The following TNS1 variants were observed in gnomAD, a reference collection of about 807,000 sequenced individuals.
The protein encoded by TNS1 is tensin 1.
TNS1 carries 62 observed loss-of-function variants against 168.6 expected under a neutral mutation model. That is an observed-to-expected ratio of 0.37 (90% confidence interval 0.30 to 0.45). The LOEUF (loss-of-function observed/expected upper bound fraction) is 0.45, where lower values mean the gene tolerates loss of function less well. Among genes scored for constraint, TNS1 ranks in the 20% least tolerant of loss-of-function variants. TNS1 has a pLI of 1.00. For missense variants in TNS1, 2,240 were observed against 2,339.4 expected, an observed-to-expected ratio of 0.96 and a Z score of 0.88; for synonymous variants, 934 against 933.2, an observed-to-expected ratio of 1.00 and a Z score of -0.02.
At chr2:217,819,005 G>A (rs1171833331) in intron 23 of TNS1, among the ~76,000 whole-genome samples, 2 of 152,202 alleles carry the variant, frequency 1.3e-5, no homozygotes, top group Non-Finnish European at 2.9e-5. Flanking sequence ...TTTCAACTTA[G>A]CTGTGTCTGA....
chr2:217,937,057 G>A (rs1956646500), intron 3 of TNS1: 2 of 456,086 alleles, frequency 4.4e-6, no homozygotes, highest in South Asian at 1.6e-5. Flanking sequence ...AAAACTCCTT[G>A]CCAAACTTCA....
Position 217,890,948 on chromosome 2 carries a change from C to T in TNS1, c.866+14G>A. 6.2e-7 allele frequency: 1 copy of T among 1,613,466 alleles called. No homozygotes were observed. ...ACACATACATGCAAGGGGCTGTGAG[C>T]CCCAGAGACCCACCTTCTTTGGGAT... On this transcript the variant is annotated intron_variant, in intron 12 of 32. Transcript: ENST00000682258.
Position 217,804,430 on chromosome 2 carries a change from T to G in TNS1, c.*29A>C, listed in dbSNP as rs755930944. 1 of 1,613,242 alleles carries G rather than the reference T, an allele frequency of 6.2e-7. No individual in the cohort carries two copies. The highest frequency in any genetic ancestry group is 1.1e-5 in the South Asian group (1 of 90,996). ...CCCCTCCCCACAAGCCCCTTCCCCA[T>G]GGCACTGGCCCTGGGCAAGGGGCAG... On this transcript the variant is annotated 3_prime_UTR_variant, in exon 33 of 33. Coordinates refer to ENST00000682258, the MANE Select transcript of TNS1 (RefSeq NM_001387777.1).
chr2:217,831,532 C>G lies in TNS1; in HGVS notation c.3296G>C (p.Gly1099Ala). 1 of 1,540,446 alleles carries G rather than the reference C, an allele frequency of 6.5e-7. No individual in the cohort carries two copies. The highest frequency in any genetic ancestry group is 8.7e-7 in the Non-Finnish European group (1 of 1,147,942). Reference sequence around the variant, plus strand: ...AGCAGACAGGGGTGTCTTGGCCAGACCCGGGGGGGACCGCACTGTGCCAGG... The same window carrying G: ...AGCAGACAGGGGTGTCTTGGCCAGAGCCGGGGGGGACCGCACTGTGCCAGG... ...PPPSGVRSPP[G>A]LAKTPLSALG... Residue 1099 changes from glycine (G) to alanine (A), a missense_variant, in exon 22 of 33, where the codon GGT becomes GCT. By Grantham distance (60) the Gly-to-Ala change is moderately conservative. Around this residue, in one of 2 missense-constraint regions of TNS1, gnomAD observed 2,131 missense variants for 2,171.2 expected, o/e 0.98. Coordinates refer to ENST00000682258, the MANE Select transcript of TNS1 (RefSeq NM_001387777.1).
At chr2:217,990,828 T>G in intron 2 of TNS1, 114 bp downstream of exon 2, 4 of 317,984 alleles carry the variant, frequency 1.3e-5, no homozygotes, top group East Asian at 5.3e-5. Context: ...GAACAAGGCG[T>G]CAGGTTGGGA....
chr2:217,946,969 T>TCTCTCACACACA (rs1553618866), intron 3 of TNS1, among the ~76,000 whole-genome samples: 3 of 118,866 alleles, frequency 2.5e-5, no homozygotes, highest in African/African-American at 1.2e-4. Flanking sequence ...TCTCTCTCTC[T>TCTCTCACACACA]CACACACACA....
chr2:218,002,469 A>AG (rs552097048), intron 1 of TNS1, among the ~76,000 whole-genome samples: 1,607 of 151,080 alleles, frequency 0.011, 33 homozygotes, highest in African/African-American at 0.036. Context: ...TCAGCAACTG[A>AG]GGGGGGGCGG....
At chr2:217,941,464 C>T (rs1052459860) in intron 3 of TNS1, among the ~76,000 whole-genome samples, 3 of 152,310 alleles carry the variant, frequency 2.0e-5, no homozygotes, top group East Asian at 1.9e-4. Flanking sequence ...AGTTGAGCCA[C>T]GGGTGTGAGG....
At chr2:217,979,482 G>C (rs1957985436) in intron 2 of TNS1, among the ~76,000 whole-genome samples, 1 of 151,718 alleles carries the variant, frequency 6.6e-6, no homozygotes, top group Non-Finnish European at 1.5e-5. Flanking sequence ...ACAGACACGT[G>C]AACAGATGCT....
intron 21 of TNS1, among the ~76,000 whole-genome samples, chr2:217,831,844 C>G (rs1331589286): frequency 6.6e-6 from 1 of 152,100 alleles, no homozygotes; most frequent in Admixed American, 6.5e-5. Context: ...CGCTGCAGTC[C>G]CTTTACTTTG....
rs758726343 is a variant in TNS1, at chr2:217,836,056, C to T, written c.3163G>A (p.Ala1055Thr). ...CCAGGATTGAGAGCGATGGTAAGAG[C>T]CAGCTCCGGGGAGACACACTGGACA... ...SPVQCVSPELALTIALNPGGR... is the reference protein window; with the variant it reads ...SPVQCVSPELTLTIALNPGGR... Residue 1055 changes from alanine to threonine, a missense_variant, in exon 20 of 33, where the codon GCT becomes ACT. This residue lies in a region of TNS1 where 2,131 missense variants were observed against 2,171.2 expected (regional missense o/e 0.98). Transcript: ENST00000682258. The T allele has an allele frequency of 1.9e-6, 3 of 1,614,004 alleles. No homozygotes were observed. Among genetic ancestry groups the T allele is most frequent in the Non-Finnish European group, 2.5e-6 (3 of 1,179,940 alleles).
intron 11 of TNS1, among the ~76,000 whole-genome samples, chr2:217,892,470 G>C (rs1574975117): frequency 6.6e-6 from 1 of 152,358 alleles, no homozygotes; most frequent in African/African-American, 2.4e-5. Context: ...AGTGGGATTG[G>C]AAAGGGAGTC....
intron 22 of TNS1, among the ~76,000 whole-genome samples, chr2:217,826,245 T>C (rs527868016): frequency 3.3e-5 from 5 of 152,338 alleles, no homozygotes; most frequent in Middle Eastern, 3.4e-3. Context: ...GTTATTTGAT[T>C]TCCTGAGTTC....
At chr2:217,889,633 C>T (rs1951546952) in intron 12 of TNS1, among the ~76,000 whole-genome samples, 1 of 152,240 alleles carries the variant, frequency 6.6e-6, no homozygotes, top group South Asian at 2.1e-4. Context: ...AGCCCCATCA[C>T]TCTCTAGCCA....
chr2:217,954,679 G>A lies in TNS1; in HGVS notation c.186+24086C>T, dbSNP rs190437421. 4.6e-5 allele frequency among the ~76,000 whole-genome samples: 7 copies of A among 152,206 alleles called. No individual in the cohort carries two copies. The East Asian group carries it at 9.7e-4, about 21-fold the overall frequency. Reference sequence around the variant, plus strand: ...CAACTCCACTGCCAAGGAGGGTGGCGCAGACCCCACTGTCAAGAGCCCCAG... The same window carrying A: ...CAACTCCACTGCCAAGGAGGGTGGCACAGACCCCACTGTCAAGAGCCCCAG... On this transcript the variant is annotated intron_variant, in intron 3 of 32. Transcript: ENST00000682258.
At chr2:217,973,340 T>C (rs1373579891) in intron 3 of TNS1, among the ~76,000 whole-genome samples, 2 of 132,934 alleles carry the variant, frequency 1.5e-5, no homozygotes, top group African/African-American at 5.8e-5. Context: ...CACTCTGCCC[T>C]GGGCAACAGA....
At chr2:218,006,411 T>A (rs1958657717), upstream of TNS1, among the ~76,000 whole-genome samples, 1 of 152,226 alleles carries the variant, frequency 6.6e-6, no homozygotes, top group African/African-American at 2.4e-5. Context: ...CCCCATCCAA[T>A]TCACTCTTCC....
chr2:218,032,457 A>G lies in TNS1; in HGVS notation c.156+1363T>C, dbSNP rs1958905928. 6.6e-6 allele frequency among the ~76,000 whole-genome samples: 1 copy of G among 152,160 alleles called. No individual in the cohort carries two copies. The highest frequency in any genetic ancestry group is 2.1e-4 in the South Asian group (1 of 4,828). On this transcript the variant is annotated intron_variant, in intron 1 of 1. Coordinates refer to the TNS1 transcript ENST00000649572. The surrounding 1 kb of genome is among the most constrained non-coding windows in gnomAD (Gnocchi z 4.0). ...GAGGCTGGGTGTGGACACAGGCAGC[A>G]GGAGCTCAGGCTGTGGTCAAAGAGA... is the stretch of plus-strand genomic sequence containing the variant.
chr2:217,890,269 C>T (rs138625026), intron 12 of TNS1: 1 of 152,354 alleles, frequency 6.6e-6, no homozygotes, highest in African/African-American at 2.4e-5. Flanking sequence ...GCAGTGCCCT[C>T]TTTCCTTCCT....
Sources: allele counts gnomAD v4.1 joint callset (sites outside exome capture counted in the v4.1 genomes callset), GRCh38; gene constraint gnomAD v4.1.1; regional missense constraint gnomAD v4.1.1; non-coding constraint Gnocchi (gnomAD v3.1); transcripts MANE v1.5; gene names NCBI Gene and HGNC (gene_info 2026-07-23, HGNC 2026-07-21).